FANCB: variants seen among roughly 807,000 people sequenced by gnomAD.
FANCB encodes the protein Fanconi anemia group B protein.
A neutral mutation model predicts 38.9 loss-of-function variants in FANCB; 5 were observed. The ratio of observed to expected loss-of-function variants is 0.13; its 90% CI spans 0.07 to 0.27. The LOEUF (loss-of-function observed/expected upper bound fraction) is 0.27, where lower values mean the gene tolerates loss of function less well. FANCB is among the 10% of genes least tolerant of loss of function. The probability of loss-of-function intolerance (pLI) is 1.00; values close to 1 mark genes in which losing one functional copy is unlikely to be tolerated. For synonymous variants in FANCB, 236 were observed against 215.4 expected (o/e 1.10, Z -0.84); for missense variants, 573 against 602.7 (o/e 0.95, Z 0.52).
At chrX:14,760,547 T>C in the FANCB span, among the ~76,000 whole-genome samples, 2 of 111,981 alleles carry the variant, frequency 1.8e-5, no homozygotes, top group African/African-American at 3.2e-5. Context: ...ATGATAAATG[T>C]ATGAGGTGAG....
At chrX:14,731,327 T>TTA in the FANCB span, 3 of 112,240 alleles carry the variant, frequency 2.7e-5, no homozygotes, top group Admixed American at 9.5e-5. Flanking sequence ...AGTTAGTGCA[T>TTA]TATATATATA....
At chrX:14,834,025 C>T (rs1267180828), downstream of FANCB, among the ~76,000 whole-genome samples, 1 of 110,861 alleles carries the variant, frequency 9.0e-6, no homozygotes, top group African/African-American at 3.3e-5. Flanking sequence ...ACAAAAAAAT[C>T]ACCTGGGGAG....
At chrX:14,853,307 A>C (rs1025902232) in intron 5 of FANCB, 140 bp from the exon 6 acceptor site, 6 of 511,677 alleles carry the variant, frequency 1.2e-5, no homozygotes, top group Admixed American at 8.5e-5. Flanking sequence ...CTCAGAGCAA[A>C]ACAGTTTTGT....
the FANCB span, among the ~76,000 whole-genome samples, chrX:14,710,476 A>G: frequency 1.2e-4 from 14 of 112,265 alleles, no homozygotes; most frequent in Non-Finnish European, 2.4e-4. Context: ...ACATGTTACT[A>G]TATCAGGAGT....
the FANCB span, among the ~76,000 whole-genome samples, chrX:14,758,099 C>A: frequency 9.0e-6 from 1 of 110,914 alleles, no homozygotes; most frequent in Admixed American, 9.6e-5. Flanking sequence ...CCCATTTCCG[C>A]GGTACAGCTT....
At chrX:14,723,800 T>C in the FANCB span, among the ~76,000 whole-genome samples, 2 of 112,229 alleles carry the variant, frequency 1.8e-5, no homozygotes, top group African/African-American at 6.5e-5. Flanking sequence ...AAAGCTTCTC[T>C]TATCTGTCAG....
chrX:14,720,536 C>T, the FANCB span, among the ~76,000 whole-genome samples: 1 of 111,265 alleles, frequency 9.0e-6, no homozygotes, highest in Non-Finnish European at 1.9e-5. Context: ...ATAGGGGGAA[C>T]AAGAGGCACA....
intron 3 of FANCB, among the ~76,000 whole-genome samples, chrX:14,860,171 T>C (rs2092440571): frequency 9.0e-6 from 1 of 111,404 alleles, no homozygotes; most frequent in Non-Finnish European, 1.9e-5. Context: ...AGACAAAAAA[T>C]CTAAAACCCC....
At chrX:14,722,924 C>G in the FANCB span, among the ~76,000 whole-genome samples, 1 of 112,733 alleles carries the variant, frequency 8.9e-6, no homozygotes, top group Non-Finnish European at 1.9e-5. Context: ...AAATTATTTA[C>G]AAGTATTGCC....
chrX:14,859,147 C>A (rs760574696), intron 4 of FANCB, 35 bp downstream of exon 4: 3 of 1,019,838 alleles, frequency 2.9e-6, no homozygotes, highest in Middle Eastern at 3.5e-4. Flanking sequence ...TAAAATGGTT[C>A]TTAAAATACC....
At chrX:14,744,799 T>A in the FANCB span, among the ~76,000 whole-genome samples, 1 of 111,583 alleles carries the variant, frequency 9.0e-6, no homozygotes, top group Non-Finnish European at 1.9e-5. Flanking sequence ...TCAGTTATCA[T>A]TAAAATGGGC....
At chrX:14,703,606 C>T in the FANCB span, among the ~76,000 whole-genome samples, 3 of 111,629 alleles carry the variant, frequency 2.7e-5, no homozygotes, top group Non-Finnish European at 5.7e-5. Context: ...AGGCATTATC[C>T]TGCCTGCCAC....
chrX:14,795,531 G>A, the FANCB span, among the ~76,000 whole-genome samples: 1 of 111,299 alleles, frequency 9.0e-6, no homozygotes, highest in Non-Finnish European at 1.9e-5. Context: ...CAGCACAGGT[G>A]AAAAGATTCA....
chrX:14,770,219 T>A, the FANCB span, among the ~76,000 whole-genome samples: 1 of 112,130 alleles, frequency 8.9e-6, no homozygotes, highest in Non-Finnish European at 1.9e-5. Context: ...CTTGATGATC[T>A]GTCCAATATT....
chrX:14,857,758 C>A, intron 5 of FANCB, 104 bp downstream of exon 5: 1 of 588,591 alleles, frequency 1.7e-6, no homozygotes, highest in Non-Finnish European at 2.9e-6. Context: ...CCATTTTTAC[C>A]CAAGCACCAA....
chrX:14,708,723 G>A, the FANCB span, among the ~76,000 whole-genome samples: 1 of 111,440 alleles, frequency 9.0e-6, no homozygotes, highest in Non-Finnish European at 1.9e-5. Flanking sequence ...GATGGCCTGG[G>A]GTCAGGAGTT....
chrX:14,831,559 C>T, downstream of FANCB, among the ~76,000 whole-genome samples: 3 of 111,473 alleles, frequency 2.7e-5, no homozygotes, highest in Middle Eastern at 4.6e-3. Flanking sequence ...GGTGCTTGAA[C>T]TGAAAGGATG....
Position 14,843,968 on chromosome X carries a change from T to C in FANCB, c.2179A>G (p.Met727Val). 3 of 1,205,023 alleles carry C rather than the reference T, an allele frequency of 2.5e-6. No individual in the cohort carries two copies. The highest frequency in any genetic ancestry group is 3.4e-6 in the Non-Finnish European group (3 of 890,343). Reference protein sequence around the residue: ...LIIYSRNQTVMFQCLHNLIRI... With the variant: ...LIIYSRNQTVVFQCLHNLIRI... The stretch of plus-strand genomic sequence containing the variant: ...ATGAGATTATGAAGGCACTGGAACA[T>C]AACTGTTTGATTCCTAAAATAAAAA... Residue 727 changes from methionine to valine, a missense_variant, in exon 10 of 10, where the codon ATG becomes GTG. Coordinates refer to ENST00000650831, the MANE Select transcript of FANCB (RefSeq NM_001018113.3).
the FANCB span, among the ~76,000 whole-genome samples, chrX:14,723,750 CA>C: frequency 8.9e-6 from 1 of 111,896 alleles, no homozygotes; most frequent in Non-Finnish European, 1.9e-5. Flanking sequence ...TAATGCCTCT[CA>C]TTTTTTAAAT....
Sources: gnomAD v4.1 joint callset for allele counts (sites outside exome capture counted in the v4.1 genomes callset) on GRCh38, gnomAD v4.1.1 for gene constraint, MANE v1.5 for transcripts, NCBI Gene and HGNC (gene_info 2026-07-23, HGNC 2026-07-21) for gene names.